Variants in MIPOL1 observed in about 807,000 individuals in gnomAD.
MIPOL1 encodes the protein mirror-image polydactyly 1.
In MIPOL1, 57 loss-of-function variants were observed where a neutral mutation model predicts 60.9. The observed-to-expected ratio is 0.94, with a 90% CI of 0.76 to 1.17. The LOEUF (loss-of-function observed/expected upper bound fraction) is 1.17, where lower values mean the gene tolerates loss of function less well. Ranked by LOEUF, MIPOL1 falls within the 50% of genes most tolerant of loss-of-function variation. The pLI is 0.00. For synonymous variants in MIPOL1, 179 were observed against 168.8 expected, an observed-to-expected ratio of 1.06 and a Z score of -0.47; for missense variants, 551 against 511.6, an observed-to-expected ratio of 1.08 and a Z score of -0.74.
chr14:37,292,522 C>T (rs2085195686), intron 7 of MIPOL1, among the ~76,000 whole-genome samples: 1 of 115,974 alleles, frequency 8.6e-6, no homozygotes, highest in Non-Finnish European at 1.7e-5. Flanking sequence ...CTGTTGTTGC[C>T]CAGGCTGGAG....
chr14:37,541,504 A>G (rs1446780453), intron 12 of MIPOL1, among the ~76,000 whole-genome samples: 2 of 152,346 alleles, frequency 1.3e-5, no homozygotes, highest in African/African-American at 2.4e-5. Flanking sequence ...ATGATGGTTT[A>G]TGTCTTCTAC....
chr14:37,265,277 TC>T (rs1448440013), intron 3 of MIPOL1: 2 of 152,190 alleles, frequency 1.3e-5, no homozygotes, highest in Non-Finnish European at 2.9e-5. Context: ...CCTAGAGTCT[TC>T]CAGGTGAGCA....
chr14:37,275,967 A>G (rs1368356912), intron 6 of MIPOL1, among the ~76,000 whole-genome samples: 1 of 151,202 alleles, frequency 6.6e-6, no homozygotes, highest in Non-Finnish European at 1.5e-5. Context: ...TGGTACAAAG[A>G]GAAATCCAGG....
At chr14:37,267,240 C>T (rs909117460) in intron 4 of MIPOL1, 71 bp downstream of exon 4, 1 of 1,186,994 alleles carries the variant, frequency 8.4e-7, no homozygotes, top group South Asian at 1.3e-5. Context: ...GTAATCTCAG[C>T]ACTTTGGGAG....
intron 11 of MIPOL1, among the ~76,000 whole-genome samples, chr14:37,470,459 C>A (rs559964378): frequency 6.6e-6 from 1 of 151,916 alleles, no homozygotes; most frequent in East Asian, 1.9e-4. Context: ...TCTCATGACA[C>A]CTGTTTGTTT....
intron 11 of MIPOL1, among the ~76,000 whole-genome samples, chr14:37,466,032 A>T (rs1434784881): frequency 6.6e-6 from 1 of 152,194 alleles, no homozygotes; most frequent in African/African-American, 2.4e-5. Context: ...TAAAAAGTCA[A>T]TAGGCAAAGC....
At chr14:37,372,745 A>C (rs2092674094) in intron 10 of MIPOL1, among the ~76,000 whole-genome samples, 1 of 92,352 alleles carries the variant, frequency 1.1e-5, no homozygotes, top group African/African-American at 3.8e-5. Context: ...ACAGAGTGAG[A>C]CTCCGTCTCA....
Position 37,266,442 on chromosome 14 carries a change from C to T in MIPOL1, c.20-496C>T, listed in dbSNP as rs546141308. On this transcript the variant is annotated intron_variant, in intron 3 of 12. Transcript: ENST00000684589. ...AATCTGAATGACAAAAGTTTATAAACGGGCACTAAGGAAAGCCTCTATATC... is the reference window on the plus strand; with the variant it reads ...AATCTGAATGACAAAAGTTTATAAATGGGCACTAAGGAAAGCCTCTATATC... Among the ~76,000 whole-genome samples the T allele has an allele frequency of 3.3e-5, 5 of 152,198 alleles. No homozygotes were observed. In the East Asian group the frequency reaches 5.8e-4, roughly 18 times the overall value.
intron 10 of MIPOL1, among the ~76,000 whole-genome samples, chr14:37,393,394 TGTTTTGTTTTTG>T (rs1456234573): frequency 5.4e-5 from 6 of 111,238 alleles, no homozygotes; most frequent in South Asian, 3.8e-4. Context: ...TGTTTTGTTT[TGTTTTGTTTTTG>T]TGTGTGTGTG....
At chr14:37,496,706 C>A (rs1451687330) in intron 11 of MIPOL1, among the ~76,000 whole-genome samples, 2 of 151,860 alleles carry the variant, frequency 1.3e-5, no homozygotes, top group Non-Finnish European at 2.9e-5. Context: ...TAATCAATAT[C>A]GTGAAAATGG....
chr14:37,228,984 T>A (rs2153304904), intron 1 of MIPOL1, among the ~76,000 whole-genome samples: 1 of 152,314 alleles, frequency 6.6e-6, no homozygotes, highest in African/African-American at 2.4e-5. Flanking sequence ...AAAGAAAAGT[T>A]AATAGATTGA....
chr14:37,524,797 C>T (rs575691265), intron 12 of MIPOL1, among the ~76,000 whole-genome samples: 114 of 151,422 alleles, frequency 7.5e-4, no homozygotes, highest in Non-Finnish European at 8.1e-4. Flanking sequence ...CTTGAACTCC[C>T]GACCTCGTGA....
At chr14:37,337,750 T>A (rs2090278955) in intron 9 of MIPOL1, among the ~76,000 whole-genome samples, 1 of 152,128 alleles carries the variant, frequency 6.6e-6, no homozygotes, top group South Asian at 2.1e-4. Context: ...CTTATTGAGT[T>A]GTAAGAGTTC....
chr14:37,503,846 T>C (rs2153615956), intron 12 of MIPOL1: 1 of 152,334 alleles, frequency 6.6e-6, no homozygotes, highest in South Asian at 2.1e-4. Flanking sequence ...ATCAGTGTGC[T>C]GTATTCAGAA....
intron 11 of MIPOL1, among the ~76,000 whole-genome samples, chr14:37,481,211 A>T (rs2094858228): frequency 1.3e-5 from 2 of 152,110 alleles, no homozygotes; most frequent in Admixed American, 1.3e-4. Flanking sequence ...AATCCATAGC[A>T]CTTCTATGCA....
At chr14:37,368,407 A>G (rs2092543855) in intron 9 of MIPOL1, among the ~76,000 whole-genome samples, 1 of 152,084 alleles carries the variant, frequency 6.6e-6, no homozygotes, top group South Asian at 2.1e-4. Flanking sequence ...GATTTGGGTC[A>G]GAGGCAGAAG....
chr14:37,412,144 G>T (rs1054250200), intron 10 of MIPOL1, among the ~76,000 whole-genome samples: 1 of 151,998 alleles, frequency 6.6e-6, no homozygotes, highest in Non-Finnish European at 1.5e-5. Flanking sequence ...GTATTACCTC[G>T]TATCATCTCA....
chr14:37,363,677 G>A (rs1348645618), intron 9 of MIPOL1, among the ~76,000 whole-genome samples: 1 of 152,200 alleles, frequency 6.6e-6, no homozygotes, highest in Non-Finnish European at 1.5e-5. Context: ...CTATCAGACA[G>A]GGACATTTAA....
chr14:37,355,232 G>T (rs1269072212), intron 9 of MIPOL1, among the ~76,000 whole-genome samples: 1 of 141,136 alleles, frequency 7.1e-6, no homozygotes. Flanking sequence ...TTGAATATTG[G>T]CCCCCACTCT....
Sources: gnomAD v4.1 joint callset for allele counts (sites outside exome capture counted in the v4.1 genomes callset) on GRCh38, gnomAD v4.1.1 for gene constraint, MANE v1.5 for transcripts, NCBI Gene and HGNC (gene_info 2026-07-23, HGNC 2026-07-21) for gene names.